Variants in OVOL2 observed in about 807,000 individuals in gnomAD.
OVOL2 encodes the protein transcription factor Ovo-like 2.
OVOL2 carries 13 observed loss-of-function variants against 18.1 expected under a neutral mutation model. That is an observed-to-expected ratio of 0.72 (90% CI 0.47 to 1.14). OVOL2 has a LOEUF of 1.14. Ranked by LOEUF, OVOL2 falls within the 50% of genes most tolerant of loss-of-function variation. OVOL2 has a pLI of 0.00. For synonymous variants in OVOL2, 166 were observed against 162.7 expected (o/e 1.02, Z -0.16); for missense variants, 335 against 383.0 (o/e 0.87, Z 1.05).
Position 18,047,502 on chromosome 20 carries a change from C to G in OVOL2, c.322-5779G>C, listed in dbSNP as rs915730358. Among the ~76,000 whole-genome samples, 5 of 144,772 alleles carry G rather than the reference C, an allele frequency of 3.5e-5. 1 individual carries two copies. Among genetic ancestry groups the G allele is most frequent in the Non-Finnish European group, 6.1e-5 (4 of 65,958 alleles). 95.0% of individuals were successfully genotyped at this position (144,772 alleles called of 152,430 possible). On this transcript the variant is annotated intron_variant, in intron 2 of 3. Coordinates refer to ENST00000278780, the MANE Select transcript of OVOL2 (RefSeq NM_021220.4). The stretch of plus-strand genomic sequence containing the variant: ...TCCAGCCTGGGCAACAAGACTGTAA[C>G]TCTGTCTCAAAATAAATAAATATAA...
chr20:18,043,502 G>A (rs2036695338), intron 2 of OVOL2, among the ~76,000 whole-genome samples: 1 of 152,164 alleles, frequency 6.6e-6, no homozygotes, highest in Non-Finnish European at 1.5e-5. Context: ...GAGCACGGAG[G>A]AGCCAGATAT....
chr20:18,029,497 C>T (rs962563544), intron 3 of OVOL2, among the ~76,000 whole-genome samples: 4 of 152,082 alleles, frequency 2.6e-5, no homozygotes, highest in South Asian at 2.1e-4. Flanking sequence ...TACATGTTTC[C>T]GAAACATAAA....
chr20:18,046,788 T>A (rs2036727008), intron 2 of OVOL2, among the ~76,000 whole-genome samples: 2 of 152,196 alleles, frequency 1.3e-5, no homozygotes, highest in Admixed American at 6.5e-5. Context: ...TTTGTTTACA[T>A]AGGTTTACAC....
intron 3 of OVOL2, among the ~76,000 whole-genome samples, chr20:18,029,129 C>T (rs2036544999): frequency 6.6e-6 from 1 of 152,080 alleles, no homozygotes; most frequent in African/African-American, 2.4e-5. Flanking sequence ...TGGGTTCAAG[C>T]GAGTATCCTG....
Position 18,041,546 on chromosome 20 carries a change from G to C in OVOL2, c.499C>G (p.Arg167Gly). 1 of 1,612,674 alleles carries C rather than the reference G, an allele frequency of 6.2e-7. No homozygotes were observed. Among genetic ancestry groups the C allele is most frequent in the Non-Finnish European group, 8.5e-7 (1 of 1,178,826 alleles). The part of the protein sequence containing the change: ...NDTFDLKRHV[R>G]THTGIRPYKC... ...ACTCCCCGCTCACCTGTGTGTGTGC[G>C]GACGTGCCTCTTCAGGTCGAAGGTG... The change falls in exon 3 of 4, where the codon CGC (arginine) becomes GGC (glycine). Residue 167 changes from arginine to glycine, a missense_variant. By Grantham distance (125) the Arg-to-Gly change is moderately radical (BLOSUM62 -2). Coordinates refer to ENST00000278780, the MANE Select transcript of OVOL2 (RefSeq NM_021220.4).
Position 18,041,708 on chromosome 20 carries a change from A to G in OVOL2, c.337T>C (p.Cys113Arg). ...CAGCTGTGAACCACCGAGTCGCTGC[A>G]CGTGCCTGTGGTGAACTGGGGGCAG... ...RSKIKFTTGT[C>R]SDSVVHSCDL... The change falls in exon 3 of 4, where the codon TGC becomes CGC. Residue 113 changes from cysteine to arginine, a missense_variant. Physicochemically the swap from Cys to Arg is radical, Grantham distance 180. Coordinates refer to ENST00000278780, the MANE Select transcript of OVOL2 (RefSeq NM_021220.4). 2 of 1,612,956 alleles carry G rather than the reference A, an allele frequency of 1.2e-6. No individual in the cohort carries two copies. Among genetic ancestry groups the G allele is most frequent in the Non-Finnish European group, 1.7e-6 (2 of 1,179,494 alleles).
upstream of OVOL2, among the ~76,000 whole-genome samples, chr20:18,058,553 G>A (rs1265806006): frequency 6.7e-6 from 1 of 150,008 alleles, no homozygotes; most frequent in Non-Finnish European, 1.5e-5. Context: ...CCCCCCGAGA[G>A]CCCCCTCACC....
intron 2 of OVOL2, among the ~76,000 whole-genome samples, chr20:18,051,689 C>A (rs2122723832): frequency 6.6e-6 from 1 of 152,282 alleles, no homozygotes; most frequent in Middle Eastern, 3.4e-3. Flanking sequence ...AGCCTCTGGT[C>A]ACACATGGCT....
At chr20:18,027,528 C>CAA in intron 3 of OVOL2, among the ~76,000 whole-genome samples, 1 of 142,766 alleles carries the variant, frequency 7.0e-6, no homozygotes, top group Non-Finnish European at 1.5e-5. Context: ...ACTCCGTCTC[C>CAA]AAAAAAAAAA....
At chr20:18,028,521 G>C (rs552093335) in intron 3 of OVOL2, among the ~76,000 whole-genome samples, 1 of 151,956 alleles carries the variant, frequency 6.6e-6, no homozygotes, top group African/African-American at 2.4e-5. Context: ...GGCTGGGTGC[G>C]GTGGCTCACG....
At chr20:18,036,139 C>T (rs1267610978) in intron 3 of OVOL2, among the ~76,000 whole-genome samples, 1 of 149,376 alleles carries the variant, frequency 6.7e-6, no homozygotes, top group Non-Finnish European at 1.5e-5. Flanking sequence ...ACTAAAAATA[C>T]AAAATTAGCC....
Position 18,057,733 on chromosome 20 carries a change from C to T in OVOL2, c.-99G>A, listed in dbSNP as rs2036844394. 1 of 1,451,106 alleles carries T rather than the reference C, an allele frequency of 6.9e-7. No homozygotes were observed. The highest frequency in any genetic ancestry group is 2.6e-5 in the Admixed American group (1 of 38,256). The allele number at this position is 1,451,106 out of a possible 1,614,324, so 89.9% of individuals were successfully genotyped here. On this transcript the variant is annotated 5_prime_UTR_variant, in exon 1 of 4. It introduces an in-frame stop codon into an upstream open reading frame of the 5' UTR. Transcript: ENST00000278780. The surrounding 1 kb of genome is among the most constrained non-coding windows in gnomAD (Gnocchi z 6.3). ...GTCCCCGGCTCCCGGCGGCCAGAGC[C>T]CACCTTCCCGCCTCGCCTGCCCTCT...
At chr20:18,054,518 G>A (rs984682804) in intron 2 of OVOL2, among the ~76,000 whole-genome samples, 6 of 152,218 alleles carry the variant, frequency 3.9e-5, no homozygotes, top group South Asian at 2.1e-4. Flanking sequence ...TGAGGCAGGC[G>A]GATCACCTGA....
intron 3 of OVOL2, among the ~76,000 whole-genome samples, chr20:18,037,604 T>C (rs1032611956): frequency 6.6e-6 from 1 of 152,178 alleles, no homozygotes; most frequent in African/African-American, 2.4e-5. Flanking sequence ...GGTTCCTGCA[T>C]CTCTCTGCCT....
chr20:18,031,241 G>C (rs995076999), intron 3 of OVOL2, among the ~76,000 whole-genome samples: 1 of 152,142 alleles, frequency 6.6e-6, no homozygotes, highest in Non-Finnish European at 1.5e-5. Flanking sequence ...CCGAAAGGCC[G>C]TTTCCTCACC....
intron 2 of OVOL2, among the ~76,000 whole-genome samples, chr20:18,046,724 C>T (rs1180580998): frequency 6.6e-6 from 1 of 152,158 alleles, no homozygotes; most frequent in Admixed American, 6.6e-5. Flanking sequence ...GGCAGAGGAC[C>T]AGCTGACCCC....
At chr20:18,032,430 A>T (rs1600436520) in intron 3 of OVOL2, among the ~76,000 whole-genome samples, 1 of 152,114 alleles carries the variant, frequency 6.6e-6, no homozygotes, top group African/African-American at 2.4e-5. Flanking sequence ...GCAAATGGAA[A>T]CAAATGTCAT....
intron 3 of OVOL2, among the ~76,000 whole-genome samples, chr20:18,035,408 G>A (rs1600438852): frequency 6.6e-6 from 1 of 152,214 alleles, no homozygotes; most frequent in East Asian, 1.9e-4. Flanking sequence ...AGTGAGCCAA[G>A]ACGGGAGCCA....
chr20:18,056,075 A>C lies in OVOL2; in HGVS notation c.321+582T>G, dbSNP rs1378154530. On this transcript the variant is annotated intron_variant, in intron 2 of 3. Transcript: ENST00000278780. This position sits in a 1 kb window ranked among gnomAD's most constrained non-coding sequence, Gnocchi z 4.2. Reference sequence around the variant, plus strand: ...CTTTTACCCATCAATTTAATTCAAGATTGGAAAGATGACAGATCTAAAGTG... The same window carrying C: ...CTTTTACCCATCAATTTAATTCAAGCTTGGAAAGATGACAGATCTAAAGTG... Among the ~76,000 whole-genome samples the C allele has an allele frequency of 6.6e-6, 1 of 152,180 alleles. No individual in the cohort carries two copies. The highest frequency in any genetic ancestry group is 1.5e-5 in the Non-Finnish European group (1 of 68,028).
Sources: allele counts gnomAD v4.1 joint callset (sites outside exome capture counted in the v4.1 genomes callset), GRCh38; gene constraint gnomAD v4.1.1; non-coding constraint Gnocchi (gnomAD v3.1); transcripts MANE v1.5; gene names NCBI Gene and HGNC (gene_info 2026-07-23, HGNC 2026-07-21).